Variants in UBASH3B observed in about 807,000 individuals in gnomAD.
UBASH3B encodes the protein ubiquitin-associated and SH3 domain-containing protein B.
In UBASH3B, 37 loss-of-function variants were observed where a neutral mutation model predicts 83.4. That is an observed-to-expected ratio of 0.44 (90% CI 0.34 to 0.58). UBASH3B has a LOEUF of 0.58. UBASH3B is among the 20% of genes least tolerant of loss of function. UBASH3B has a pLI of 0.01. For synonymous variants in UBASH3B, 304 were observed against 318.3 expected (o/e 0.96, Z 0.48); for missense variants, 657 against 827.2 (o/e 0.79, Z 2.52).
At position 122,783,228 on chromosome 11, in the gene UBASH3B, G is replaced by A. The variant is rs1860889092; in HGVS notation, c.771+6G>A. 3 of 1,612,414 alleles carry A rather than the reference G, an allele frequency of 1.9e-6. No individual in the cohort carries two copies. Among genetic ancestry groups the A allele is most frequent in the Non-Finnish European group, 1.7e-6 (2 of 1,179,146 alleles). On this transcript the variant is annotated splice_donor_region_variant and intron_variant, in intron 5 of 13. Coordinates refer to ENST00000284273, the MANE Select transcript of UBASH3B (RefSeq NM_032873.5). ...TCCGATTTGCTAACCATGAGGTAAT[G>A]TCTCACTGTGGTTCCAGAAGCTACC... is the stretch of plus-strand genomic sequence containing the variant.
chr11:122,656,776 C>A (rs1383680864), intron 1 of UBASH3B, among the ~76,000 whole-genome samples: 1 of 152,302 alleles, frequency 6.6e-6, no homozygotes, highest in East Asian at 1.9e-4. Flanking sequence ...CCTGCGTGTT[C>A]ATTGATGGGG....
At chr11:122,792,568 C>T (rs1861078058) in intron 6 of UBASH3B, among the ~76,000 whole-genome samples, 1 of 152,158 alleles carries the variant, frequency 6.6e-6, no homozygotes, top group African/African-American at 2.4e-5. Flanking sequence ...ATCTGCCTGC[C>T]TCGGCCTCTC....
In UBASH3B at chr11:122,694,956, T is replaced by TTC. The variant is rs1279599517; in HGVS notation, c.161+38747_161+38748insCT. Among the ~76,000 whole-genome samples the TTC allele has an allele frequency of 4.0e-3, 211 of 53,324 alleles. 3 individuals carry two copies. Among genetic ancestry groups the TTC allele is most frequent in the African/African-American group, 9.9e-3 (158 of 15,990 alleles). 35.0% of individuals were successfully genotyped at this position (53,324 alleles called of 152,430 possible). On this transcript the variant is annotated intron_variant, in intron 1 of 13. Coordinates refer to ENST00000284273, the MANE Select transcript of UBASH3B (RefSeq NM_032873.5). ...TTTATTTTTCTTTTCTTTTCTTTCT[T>TTC]TTTTTTTTTTTTTTTTTTTTTTTTT... is the stretch of plus-strand genomic sequence containing the variant.
intron 1 of UBASH3B, among the ~76,000 whole-genome samples, chr11:122,696,341 C>CTTTTTTTTTTTTTTTT (rs10632310): frequency 2.1e-5 from 3 of 146,034 alleles, no homozygotes; most frequent in African/African-American, 2.5e-5. Context: ...TTTCTTTTTT[C>CTTTTTTTTTTTTTTTT]TTTTTGTTTT....
chr11:122,657,462 T>C (rs1398564091), intron 1 of UBASH3B, among the ~76,000 whole-genome samples: 1 of 152,118 alleles, frequency 6.6e-6, no homozygotes, highest in Non-Finnish European at 1.5e-5. Context: ...CTAATTTTTA[T>C]ATTTTTAGAA....
intron 1 of UBASH3B, among the ~76,000 whole-genome samples, chr11:122,747,220 G>C (rs1199954408): frequency 6.6e-6 from 1 of 152,144 alleles, no homozygotes; most frequent in Non-Finnish European, 1.5e-5. Flanking sequence ...TCTTGGTGGA[G>C]GGTGGACTAT....
chr11:122,755,415 A>G (rs1266844949), intron 1 of UBASH3B, among the ~76,000 whole-genome samples: 1 of 152,046 alleles, frequency 6.6e-6, no homozygotes, highest in Non-Finnish European at 1.5e-5. Flanking sequence ...GAAAGCGAGG[A>G]TCAGGTTATC....
In UBASH3B at chr11:122,796,399, C is replaced by G. The variant is rs187018123; in HGVS notation, c.1234+123C>G. On this transcript the variant is annotated intron_variant, in intron 8 of 13. Transcript: ENST00000284273. ...TTTGCGTACTATAGAAGATGTCTGT[C>G]ATGTGTAAGCCCCTCCTGATTGTCT... is the stretch of plus-strand genomic sequence containing the variant. The G allele has an allele frequency of 4.2e-6, 6 of 1,414,954 alleles. No individual in the cohort carries two copies. The Admixed American group carries it at 1.4e-4, about 33-fold the overall frequency. 87.6% of individuals were successfully genotyped at this position (1,414,954 alleles called of 1,614,324 possible). A position where few individuals can be genotyped will look rare whatever the true frequency, so the allele number is the denominator to read the frequency against.
intron 1 of UBASH3B, among the ~76,000 whole-genome samples, chr11:122,756,628 C>T (rs1289438597): frequency 6.6e-6 from 1 of 152,136 alleles, no homozygotes; most frequent in Non-Finnish European, 1.5e-5. Context: ...GGGGCAGCCA[C>T]TGTGGAGGAA....
chr11:122,721,973 T>C (rs1424674707), intron 1 of UBASH3B, among the ~76,000 whole-genome samples: 6 of 152,316 alleles, frequency 3.9e-5, no homozygotes, highest in East Asian at 1.9e-4. Context: ...TACACAGACT[T>C]TTTGATTCTT....
At chr11:122,739,596 G>C (rs778512140) in intron 1 of UBASH3B, among the ~76,000 whole-genome samples, 26 of 152,290 alleles carry the variant, frequency 1.7e-4, no homozygotes, top group South Asian at 4.1e-4. Flanking sequence ...ACTCTCCTCT[G>C]ATTTTCAGGA....
chr11:122,690,746 G>T (rs190463438), intron 1 of UBASH3B, among the ~76,000 whole-genome samples: 5 of 152,144 alleles, frequency 3.3e-5, no homozygotes, highest in Non-Finnish European at 7.3e-5. Flanking sequence ...ATTTCACATC[G>T]GTTGTGAATG....
At chr11:122,728,714 C>CTGGA (rs1271472259) in intron 1 of UBASH3B, among the ~76,000 whole-genome samples, 14 of 152,188 alleles carry the variant, frequency 9.2e-5, no homozygotes, top group African/African-American at 3.4e-4. Flanking sequence ...TTGCACTGTG[C>CTGGA]TGGAGTCTGG....
At position 122,801,277 on chromosome 11, in the gene UBASH3B, T is replaced by A. The variant is rs1861254926; in HGVS notation, c.1540T>A (p.Trp514Arg). ...GGTTGCTGGGAGCACATTACCTGCATGGATACCTCCATCAGAGTTAGCTGC... is the reference window on the plus strand; with the variant it reads ...GGTTGCTGGGAGCACATTACCTGCAAGGATACCTCCATCAGAGTTAGCTGC... ...KWVAGSTLPA[W>R]IPPSELAAAN... Residue 514 changes from tryptophan (W) to arginine (R), a missense_variant, in exon 11 of 14, where the codon TGG (tryptophan) becomes AGG (arginine). Around this residue, in one of 3 missense-constraint regions of UBASH3B, gnomAD observed 573 missense variants for 739.0 expected, o/e 0.78. Coordinates refer to ENST00000284273, the MANE Select transcript of UBASH3B (RefSeq NM_032873.5). The A allele has an allele frequency of 5.0e-6, 8 of 1,614,206 alleles. No individual in the cohort carries two copies. Among genetic ancestry groups the A allele is most frequent in the Non-Finnish European group, 5.9e-6 (7 of 1,180,032 alleles).
At chr11:122,792,313 T>A (rs1439980154) in intron 6 of UBASH3B, among the ~76,000 whole-genome samples, 1 of 142,908 alleles carries the variant, frequency 7.0e-6, no homozygotes, top group African/African-American at 2.5e-5. Context: ...TTTTTTTTTC[T>A]TTTTTTTTTT....
chr11:122,771,322 T>A (rs1326938662), intron 1 of UBASH3B, among the ~76,000 whole-genome samples: 1 of 151,358 alleles, frequency 6.6e-6, no homozygotes, highest in East Asian at 2.0e-4. Flanking sequence ...ATCCTCCGCC[T>A]CCCAGGTTCA....
chr11:122,762,043 C>A (rs946315084), intron 1 of UBASH3B, among the ~76,000 whole-genome samples: 5 of 152,032 alleles, frequency 3.3e-5, no homozygotes, highest in African/African-American at 1.2e-4. Flanking sequence ...CCGCCCACCT[C>A]CACCTCCCAA....
Position 122,813,621 on chromosome 11 carries a change from G to A in UBASH3B, c.*3735G>A, listed in dbSNP as rs541689809. The A allele has an allele frequency of 6.6e-6, 1 of 152,302 alleles. No homozygotes were observed. The highest frequency in any genetic ancestry group is 1.5e-5 in the Non-Finnish European group (1 of 68,022). The allele number at this position is 152,302 out of a possible 1,614,324, so 9.4% of individuals were successfully genotyped here. A position where few individuals can be genotyped will look rare whatever the true frequency, so the allele number is the denominator to read the frequency against. ...TCCAGCACACGTGTGAGAAAGAAGA[G>A]GCACTAGTCTAAAAGGCTGCATTGC... On this transcript the variant is annotated 3_prime_UTR_variant, in exon 14 of 14. Transcript: ENST00000284273.
In UBASH3B at chr11:122,793,540, T is replaced by G. The variant is rs189690342; in HGVS notation, c.981-1162T>G. 1.0e-3 allele frequency among the ~76,000 whole-genome samples: 155 copies of G among 152,312 alleles called. 1 individual carries two copies. The highest frequency in any genetic ancestry group is 2.0e-3 in the Admixed American group (31 of 15,294). ...CCAAATTGTAAAGAAGCAAGAAATC[T>G]ATAAAATTTAAATGTTTCCCCTGGA... On this transcript the variant is annotated intron_variant, in intron 6 of 13. Coordinates refer to ENST00000284273, the MANE Select transcript of UBASH3B (RefSeq NM_032873.5).
Sources: allele counts gnomAD v4.1 joint callset (sites outside exome capture counted in the v4.1 genomes callset), GRCh38; gene constraint gnomAD v4.1.1; regional missense constraint gnomAD v4.1.1; transcripts MANE v1.5; gene names NCBI Gene and HGNC (gene_info 2026-07-23, HGNC 2026-07-21).